Variants in TELO2 observed in about 807,000 individuals in gnomAD.
The protein encoded by TELO2 is telomere length regulation protein TEL2 homolog.
A neutral mutation model predicts 91.0 loss-of-function variants in TELO2; 71 were observed. That is an observed-to-expected ratio of 0.78 (90% CI 0.64 to 0.95). The LOEUF (loss-of-function observed/expected upper bound fraction) is 0.95, where lower values mean the gene tolerates loss of function less well. TELO2 is among the 40% of genes least tolerant of loss of function. TELO2 has a pLI of 0.00. For missense variants in TELO2, 1,183 were observed against 1,141.3 expected (o/e 1.04, Z -0.53); for synonymous variants, 584 against 518.9 (o/e 1.13, Z -1.71).
At chr16:1,503,345 C>T (rs556746579) in intron 15 of TELO2, among the ~76,000 whole-genome samples, 6 of 152,224 alleles carry the variant, frequency 3.9e-5, no homozygotes, top group East Asian at 1.9e-4. Flanking sequence ...GCGGGAGGAT[C>T]GCTGGAGCCC....
intron 9 of TELO2, among the ~76,000 whole-genome samples, chr16:1,500,950 C>T (rs973624183): frequency 2.6e-5 from 4 of 152,346 alleles, no homozygotes; most frequent in East Asian, 1.9e-4. Context: ...TCTCTCTAGA[C>T]GGGGGCCCGA....
chr16:1,498,204 G>A (rs1023829535), intron 5 of TELO2, among the ~76,000 whole-genome samples: 2 of 151,938 alleles, frequency 1.3e-5, no homozygotes, highest in East Asian at 3.9e-4. Flanking sequence ...TAGTATAGAC[G>A]GGGTTTTGCC....
intron 10 of TELO2, 71 bp from the exon 11 acceptor site, chr16:1,501,592 C>T: frequency 6.4e-7 from 1 of 1,568,618 alleles, no homozygotes; most frequent in South Asian, 1.2e-5. Flanking sequence ...CCCTTTCTTT[C>T]TGTCCTGTGA....
At position 1,494,125 on chromosome 16, in the gene TELO2, G is replaced by T; in HGVS notation, c.-36-121G>T. The T allele has an allele frequency of 1.5e-6, 1 of 657,384 alleles. No individual in the cohort carries two copies. Among genetic ancestry groups the T allele is most frequent in the Non-Finnish European group, 2.6e-6 (1 of 387,338 alleles). The allele number at this position is 657,384 out of a possible 1,614,324, so 40.7% of individuals were successfully genotyped here. A position where few individuals can be genotyped will look rare whatever the true frequency, so the allele number is the denominator to read the frequency against. The stretch of plus-strand genomic sequence containing the variant: ...CAGGCACTGGAGGGGAAGGAGGCGG[G>T]ACAGGGTTGGGTGGGACCAGGGTTG... On this transcript the variant is annotated intron_variant, in intron 1 of 20. Transcript: ENST00000262319. The surrounding 1 kb of genome is among the most constrained non-coding windows in gnomAD (Gnocchi z 5.6).
In TELO2 at chr16:1,506,991, G is replaced by A; in HGVS notation, c.2166G>A (p.Leu722=). 6.2e-7 allele frequency: 1 copy of A among 1,612,270 alleles called. No individual in the cohort carries two copies. Among genetic ancestry groups the A allele is most frequent in the Non-Finnish European group, 8.5e-7 (1 of 1,179,306 alleles). ...VTFDLLGEDQ[L]VLGRLAHTLG... ...TCGACCTCTTGGGAGAAGACCAGCT[G>A]GTTCTCGGAAGGCTGGCGCACACCT... The change falls in exon 18 of 21, where the codon CTG becomes CTA. Residue 722 remains leucine (L), a synonymous_variant. Coordinates refer to ENST00000262319, the MANE Select transcript of TELO2 (RefSeq NM_016111.4).
chr16:1,494,481 C>G lies in TELO2; in HGVS notation c.200C>G (p.Ala67Gly), dbSNP rs373286620. The G allele has an allele frequency of 1.4e-5, 22 of 1,613,228 alleles. No homozygotes were observed. Among genetic ancestry groups the G allele is most frequent in the Non-Finnish European group, 1.7e-5 (20 of 1,179,970 alleles). ...AHFSPVLRCL[A>G]SRLSPAWLEL... ...TTCTCGCCTGTCCTCAGATGTCTTG[C>G]CAGCAGGCTGAGCCCAGCCTGGCTG... Residue 67 changes from alanine (A) to glycine (G), a missense_variant, in exon 2 of 21, where the codon GCC becomes GGC. Transcript: ENST00000262319. This position sits in a 1 kb window ranked among gnomAD's most constrained non-coding sequence, Gnocchi z 5.6.
In TELO2 at chr16:1,500,651, GGTC is replaced by G; in HGVS notation, c.1236_1238del (p.Val413del). On this transcript the variant is annotated inframe_deletion, in exon 9 of 21. Coordinates refer to ENST00000262319, the MANE Select transcript of TELO2 (RefSeq NM_016111.4). ...GACGCCTGGGCATGATCGTGGCAGA[GGTC>G]GTTAGTGCCCGGATCCACCCCGAGG... 1 of 1,612,590 alleles carries G rather than the reference GGTC, an allele frequency of 6.2e-7. No homozygotes were observed. The highest frequency in any genetic ancestry group is 1.1e-5 in the South Asian group (1 of 91,078).
In TELO2 at chr16:1,502,979, C is replaced by A; in HGVS notation, c.1819C>A (p.Arg607=). ...GTTCTATGCCCTCAACTACAGCCTC[C>A]GGCAGCGCATGGACATCCTGGATGT... ...SQFYALNYSL[R]QRMDILDVLT... Residue 607 remains arginine (R), a synonymous_variant, in exon 15 of 21, where the codon CGG becomes AGG. Transcript: ENST00000262319. The A allele has an allele frequency of 6.2e-7, 1 of 1,611,104 alleles. No individual in the cohort carries two copies. The highest frequency in any genetic ancestry group is 1.1e-5 in the South Asian group (1 of 91,090).
In TELO2 at chr16:1,506,237, G is replaced by C; in HGVS notation, c.2035-1G>C. Reference sequence around the variant, plus strand: ...GTGATCGCTGTAGTTGTGTCTGGCAGGGTGGCCCGAGGCAGGGCCCGGCAG... The same window carrying C: ...GTGATCGCTGTAGTTGTGTCTGGCACGGTGGCCCGAGGCAGGGCCCGGCAG... On this transcript the variant is annotated splice_acceptor_variant, in intron 16 of 20. Transcript: ENST00000262319. LOFTEE classifies it high-confidence loss of function. 6.2e-7 allele frequency: 1 copy of C among 1,613,624 alleles called. No homozygotes were observed. Among genetic ancestry groups the C allele is most frequent in the Non-Finnish European group, 8.5e-7 (1 of 1,180,004 alleles).
intron 12 of TELO2, 63 bp downstream of exon 12, chr16:1,502,198 CT>C: frequency 6.2e-7 from 1 of 1,600,098 alleles, no homozygotes; most frequent in South Asian, 1.1e-5. Context: ...CAGCCTGGTT[CT>C]GCCTCAAGGG....
chr16:1,506,619 G>T (rs1287714717), intron 17 of TELO2: 4 of 1,383,888 alleles, frequency 2.9e-6, no homozygotes, highest in Non-Finnish European at 3.7e-6. Context: ...GGCCCTGCTC[G>T]CCTCCTCCTG....
At chr16:1,501,942 A>G in intron 11 of TELO2, 105 bp from the exon 12 acceptor site, 1 of 1,528,380 alleles carries the variant, frequency 6.5e-7, no homozygotes, top group East Asian at 2.3e-5. Context: ...GCAGGGGCCG[A>G]GGCGTGAGCT....
chr16:1,501,890 G>A (rs1009210121), intron 11 of TELO2, 117 bp downstream of exon 11: 165 of 1,443,624 alleles, frequency 1.1e-4, no homozygotes, highest in Non-Finnish European at 1.4e-4. Flanking sequence ...CTTCTCTTTC[G>A]TCCTCATGTG....
rs2294604 is a variant in TELO2 at position 1,505,197 on chromosome 16, G to A, written c.1843-213G>A. The A allele has an allele frequency of 0.069, 39,783 of 576,158 alleles. 1,720 individuals are homozygous for A. Among genetic ancestry groups the A allele is most frequent in the African/African-American group, 0.13 (7,069 of 53,462 alleles). 35.7% of individuals were successfully genotyped at this position (576,158 alleles called of 1,614,324 possible). On this transcript the variant is annotated intron_variant, in intron 15 of 20. Transcript: ENST00000262319. This position sits in a 1 kb window ranked among gnomAD's most constrained non-coding sequence, Gnocchi z 4.3. ...GGCCCTGGGCGTGTTCTCATCTCCT[G>A]GAGCACGGTGCCCACCTTCCCCACC... is the stretch of plus-strand genomic sequence containing the variant.
chr16:1,494,424 C>G lies in TELO2; in HGVS notation c.143C>G (p.Pro48Arg). The change falls in exon 2 of 21, where the codon CCG becomes CGG. Residue 48 changes from proline to arginine, a missense_variant. Pro to Arg is a moderately radical substitution (Grantham distance 103). Transcript: ENST00000262319. This position sits in a 1 kb window ranked among gnomAD's most constrained non-coding sequence, Gnocchi z 5.6. ...YLGEMEPPALPREKEEFASAH... is the reference protein window; with the variant it reads ...YLGEMEPPALRREKEEFASAH... ...GGTGAGATGGAGCCTCCAGCGCTCCCGAGGGAGAAGGAGGAGTTTGCCTCG... is the reference window on the plus strand; with the variant it reads ...GGTGAGATGGAGCCTCCAGCGCTCCGGAGGGAGAAGGAGGAGTTTGCCTCG... 1 of 1,613,314 alleles carries G rather than the reference C, an allele frequency of 6.2e-7. No individual in the cohort carries two copies. The highest frequency in any genetic ancestry group is 8.5e-7 in the Non-Finnish European group (1 of 1,180,000).
Position 1,497,342 on chromosome 16 carries a change from C to A in TELO2, c.683-19C>A. On this transcript the variant is annotated intron_variant, in intron 4 of 20. Coordinates refer to ENST00000262319, the MANE Select transcript of TELO2 (RefSeq NM_016111.4). This position sits in a 1 kb window ranked among gnomAD's most constrained non-coding sequence, Gnocchi z 4.0. ...TGGGTGCAGCTCCCCAGGCTCAGGT[C>A]CTCCGTCTGTCCCCTCAGAGGAGAT... The A allele has an allele frequency of 6.5e-7, 1 of 1,531,584 alleles. No homozygotes were observed. The highest frequency in any genetic ancestry group is 8.8e-7 in the Non-Finnish European group (1 of 1,135,492). The allele number at this position is 1,531,584 out of a possible 1,614,324, so 94.9% of individuals were successfully genotyped here.
chr16:1,507,328 C>T lies in TELO2; in HGVS notation c.2249C>T (p.Ala750Val), dbSNP rs770274159. The T allele has an allele frequency of 1.9e-6, 3 of 1,610,434 alleles. No individual in the cohort carries two copies. Among genetic ancestry groups the T allele is most frequent in the Non-Finnish European group, 1.7e-6 (2 of 1,179,902 alleles). Residue 750 changes from alanine (A) to valine (V), a missense_variant, in exon 19 of 21, where the codon GCC (alanine) becomes GTC (valine). Transcript: ENST00000262319. ...NTTVAVAMGKALLEFVWALRF... is the reference protein window; with the variant it reads ...NTTVAVAMGKVLLEFVWALRF... ...CAGGTGGCTGTGGCCATGGGCAAGG[C>T]CCTGCTGGAATTCGTGTGGGCCCTT...
Position 1,509,982 on chromosome 16 carries a change from G to A in TELO2, c.*46G>A. The stretch of plus-strand genomic sequence containing the variant: ...ACCACCCTCGCCGACAGCAAGGCAG[G>A]CGGCTGAGCAGCGGCCTGGAGCAGC... On this transcript the variant is annotated 3_prime_UTR_variant, in exon 21 of 21. Transcript: ENST00000262319. 6.6e-7 allele frequency: 1 copy of A among 1,519,312 alleles called. No homozygotes were observed. The allele number at this position is 1,519,312 out of a possible 1,614,324, so 94.1% of individuals were successfully genotyped here.
Position 1,506,494 on chromosome 16 carries a change from G to A in TELO2, c.2126+165G>A, listed in dbSNP as rs544921084. On this transcript the variant is annotated intron_variant, in intron 17 of 20. Transcript: ENST00000262319. Reference sequence around the variant, plus strand: ...TGTGTTAAATGGCAGGGAGCGTCCCGCAAGATTCCTCTGTGGTTGAGCTTT... The same window carrying A: ...TGTGTTAAATGGCAGGGAGCGTCCCACAAGATTCCTCTGTGGTTGAGCTTT... 28 of 1,471,074 alleles carry A rather than the reference G, an allele frequency of 1.9e-5. No individual in the cohort carries two copies. The East Asian group carries it at 3.2e-4, about 17-fold the overall frequency. 91.1% of individuals were successfully genotyped at this position (1,471,074 alleles called of 1,614,324 possible). A position where few individuals can be genotyped will look rare whatever the true frequency, so the allele number is the denominator to read the frequency against.
Sources: gnomAD v4.1 joint callset for allele counts (sites outside exome capture counted in the v4.1 genomes callset) on GRCh38, gnomAD v4.1.1 for gene constraint, Gnocchi (gnomAD v3.1) non-coding constraint, MANE v1.5 for transcripts, NCBI Gene and HGNC (gene_info 2026-07-23, HGNC 2026-07-21) for gene names.